The following EXOC4 variants were observed in gnomAD, a reference collection of about 807,000 sequenced individuals.
The protein encoded by EXOC4 is SEC8-like 1.
EXOC4 carries 71 observed loss-of-function variants against 107.2 expected under a neutral mutation model. That is an observed-to-expected ratio of 0.66 (90% CI 0.55 to 0.81). EXOC4 has a LOEUF of 0.81. EXOC4 is among the 30% of genes least tolerant of loss of function. The pLI, the probability that EXOC4 is intolerant of heterozygous loss-of-function variation, is 0.00. For missense variants in EXOC4, 1,108 were observed against 1,189.6 expected (o/e 0.93, Z 1.01); for synonymous variants, 456 against 441.2 (o/e 1.03, Z -0.42).
At chr7:133,615,063 A>G (rs1003395466) in intron 9 of EXOC4, among the ~76,000 whole-genome samples, 6 of 152,184 alleles carry the variant, frequency 3.9e-5, no homozygotes, top group Non-Finnish European at 7.3e-5. Context: ...GGACCCTTCT[A>G]TGATATCGTC....
At chr7:133,534,803 C>G (rs541011120) in intron 9 of EXOC4, among the ~76,000 whole-genome samples, 17 of 152,190 alleles carry the variant, frequency 1.1e-4, no homozygotes, top group African/African-American at 3.6e-4. Context: ...TCCTCATATC[C>G]AGCTGAAGAA....
At chr7:133,793,752 G>A (rs1796753549) in intron 10 of EXOC4, among the ~76,000 whole-genome samples, 1 of 152,136 alleles carries the variant, frequency 6.6e-6, no homozygotes. Flanking sequence ...GGCTGAGGCA[G>A]GAGAGTCTCT....
At chr7:133,524,933 G>A (rs1171817703) in intron 9 of EXOC4, among the ~76,000 whole-genome samples, 6 of 152,156 alleles carry the variant, frequency 3.9e-5, no homozygotes, top group Non-Finnish European at 8.8e-5. Context: ...AGAGATCCAA[G>A]CATACCTGAT....
intron 11 of EXOC4, among the ~76,000 whole-genome samples, chr7:133,886,816 A>T (rs1483863968): frequency 6.6e-6 from 1 of 152,182 alleles, no homozygotes; most frequent in Non-Finnish European, 1.5e-5. Flanking sequence ...TAGAAATTTG[A>T]TATTTTCAAC....
chr7:133,841,216 A>G (rs916265380), intron 11 of EXOC4, among the ~76,000 whole-genome samples: 13 of 152,182 alleles, frequency 8.5e-5, no homozygotes, highest in Non-Finnish European at 1.8e-4. Flanking sequence ...AATCCCATTC[A>G]CAAGGGCTCT....
At chr7:133,508,082 A>C (rs1448211285) in intron 9 of EXOC4, among the ~76,000 whole-genome samples, 1 of 152,168 alleles carries the variant, frequency 6.6e-6, no homozygotes, top group African/African-American at 2.4e-5. Context: ...AAAGAAAAGA[A>C]AAGAAAAATC....
intron 7 of EXOC4, among the ~76,000 whole-genome samples, chr7:133,425,742 A>G (rs1187712510): frequency 1.3e-5 from 2 of 152,216 alleles, no homozygotes; most frequent in Non-Finnish European, 2.9e-5. Context: ...TCTCAGGCCT[A>G]CAACCTGAAG....
At chr7:133,373,856 A>G (rs1796429518) in intron 6 of EXOC4, among the ~76,000 whole-genome samples, 1 of 152,192 alleles carries the variant, frequency 6.6e-6, no homozygotes, top group Non-Finnish European at 1.5e-5. Flanking sequence ...AGCAGTGCCT[A>G]CTCTGAAAGA....
In EXOC4 at chr7:133,769,574, A is replaced by C. The variant is rs117917747; in HGVS notation, c.1515-47751A>C. Among the ~76,000 whole-genome samples the C allele has an allele frequency of 3.2e-4, 49 of 151,874 alleles. No homozygotes were observed. In the East Asian group the frequency reaches 7.0e-3, roughly 22 times the overall value. On this transcript the variant is annotated intron_variant, in intron 10 of 17. Coordinates refer to ENST00000253861, the MANE Select transcript of EXOC4 (RefSeq NM_021807.4). ...ACAGAAGGACAAATGATTTCTTCTT[A>C]TTATTCTTTTTATTAACAATTGAAG...
At chr7:133,561,921 A>G (rs1422242714) in intron 9 of EXOC4, among the ~76,000 whole-genome samples, 2 of 152,206 alleles carry the variant, frequency 1.3e-5, no homozygotes, top group Non-Finnish European at 2.9e-5. Flanking sequence ...AAGCAGGTAA[A>G]TATCTTACTT....
chr7:134,008,973 A>G (rs1277063546), intron 17 of EXOC4, among the ~76,000 whole-genome samples: 1 of 152,122 alleles, frequency 6.6e-6, no homozygotes, highest in Non-Finnish European at 1.5e-5. Flanking sequence ...CAGTTTTTCA[A>G]GATTTGAGAG....
chr7:133,374,986 T>A lies in EXOC4; in HGVS notation c.1166T>A (p.Ile389Asn), dbSNP rs1222897112. ...LYDMADVWVK[I>N]QDVLQMLLTE... ...GATATGGCAGATGTATGGGTGAAGA[T>A]CCAAGATGTTCTACAGGTAAGAGCC... The change falls in exon 7 of 18, where the codon ATC (isoleucine) becomes AAC (asparagine). Residue 389 changes from isoleucine (I) to asparagine (N), a missense_variant. By Grantham distance (149) the Ile-to-Asn change is moderately radical. Transcript: ENST00000253861. The A allele has an allele frequency of 6.2e-7, 1 of 1,613,572 alleles. No individual in the cohort carries two copies. The highest frequency in any genetic ancestry group is 8.5e-7 in the Non-Finnish European group (1 of 1,179,886).
intron 7 of EXOC4, among the ~76,000 whole-genome samples, chr7:133,444,751 A>G (rs1037147675): frequency 3.9e-5 from 6 of 152,100 alleles, no homozygotes; most frequent in Non-Finnish European, 7.4e-5. Context: ...TATTTTGGCT[A>G]TGTTAAATGT....
chr7:133,844,378 CTTTTTTTTTTTTTTTT>C (rs761535651), intron 11 of EXOC4, among the ~76,000 whole-genome samples: 12 of 83,346 alleles, frequency 1.4e-4, no homozygotes, highest in Non-Finnish European at 1.8e-4. Context: ...CCACATATTC[CTTTTTTTTTTTTTTTT>C]TTTTTTTTTT....
intron 10 of EXOC4, among the ~76,000 whole-genome samples, chr7:133,744,659 A>G (rs1242339658): frequency 6.6e-6 from 1 of 152,170 alleles, no homozygotes. Flanking sequence ...AATGCCACAA[A>G]TGGCTTTATA....
At chr7:133,620,265 G>T (rs982354270) in intron 9 of EXOC4, among the ~76,000 whole-genome samples, 11 of 151,886 alleles carry the variant, frequency 7.2e-5, no homozygotes, top group African/African-American at 2.7e-4. Flanking sequence ...GACCTTAAGT[G>T]ATCCACCCGC....
intron 10 of EXOC4, among the ~76,000 whole-genome samples, chr7:133,656,276 A>G (rs949710305): frequency 5.3e-5 from 8 of 152,208 alleles, no homozygotes; most frequent in South Asian, 2.1e-4. Context: ...CATAAAACAC[A>G]TAGAATATAC....
chr7:134,075,660 T>G, the EXOC4 span, among the ~76,000 whole-genome samples: 2 of 151,502 alleles, frequency 1.3e-5, no homozygotes, highest in Non-Finnish European at 3.0e-5. Flanking sequence ...GGGCTACAAC[T>G]CAAGATGAGA....
chr7:133,585,017 A>G (rs1461136594), intron 9 of EXOC4, among the ~76,000 whole-genome samples: 1 of 152,174 alleles, frequency 6.6e-6, no homozygotes, highest in African/African-American at 2.4e-5. Context: ...CTCCCTATCT[A>G]ATTTATTTTT....
Sources: allele counts gnomAD v4.1 joint callset (sites outside exome capture counted in the v4.1 genomes callset), GRCh38; gene constraint gnomAD v4.1.1; transcripts MANE v1.5; gene names NCBI Gene and HGNC (gene_info 2026-07-23, HGNC 2026-07-21).